Variants in FOXN3 observed in about 807,000 individuals in gnomAD.
FOXN3 encodes forkhead box N3, also known as forkhead box protein N3.
FOXN3 carries 7 observed loss-of-function variants against 38.4 expected under a neutral mutation model. The ratio of observed to expected loss-of-function variants is 0.18; its 90% confidence interval spans 0.10 to 0.34. The LOEUF is 0.34. FOXN3 is among the 10% of genes least tolerant of loss of function. The pLI, the probability that FOXN3 is intolerant of heterozygous loss-of-function variation, is 1.00. For missense variants in FOXN3, 456 were observed against 613.4 expected (o/e 0.74, Z 2.71); for synonymous variants, 230 against 242.2 (o/e 0.95, Z 0.47).
chr14:89,246,562 A>ATTTTTT (rs1885304987), intron 4 of FOXN3, among the ~76,000 whole-genome samples: 1 of 6,792 alleles, frequency 1.5e-4, no homozygotes, highest in African/African-American at 5.2e-4. Context: ...TTTTTTTTTG[A>ATTTTTT]GACAGTCTCA....
chr14:89,543,092 A>G (rs925139705), intron 1 of FOXN3, among the ~76,000 whole-genome samples: 7 of 152,218 alleles, frequency 4.6e-5, no homozygotes, highest in African/African-American at 1.7e-4. Flanking sequence ...GGTGCTTTTC[A>G]ATCAGAGCTG....
chr14:89,358,932 T>C (rs1329029993), intron 2 of FOXN3, among the ~76,000 whole-genome samples: 1 of 152,206 alleles, frequency 6.6e-6, no homozygotes, highest in Non-Finnish European at 1.5e-5. Context: ...AGTGAATTAA[T>C]AATACCTGCT....
chr14:89,594,540 G>A (rs1233553667), intron 1 of FOXN3, among the ~76,000 whole-genome samples: 1 of 152,152 alleles, frequency 6.6e-6, no homozygotes, highest in African/African-American at 2.4e-5. Context: ...TAAGACTCTT[G>A]TCCATTTTTC....
intron 3 of FOXN3, among the ~76,000 whole-genome samples, chr14:89,338,737 TGGA>T (rs1380957966): frequency 1.3e-5 from 2 of 151,882 alleles, no homozygotes; most frequent in African/African-American, 2.4e-5. Flanking sequence ...CAGGGAGGCA[TGGA>T]GGAGGCTGCA....
chr14:89,286,413 A>G (rs1275555626), intron 3 of FOXN3, among the ~76,000 whole-genome samples: 1 of 152,152 alleles, frequency 6.6e-6, no homozygotes, highest in Non-Finnish European at 1.5e-5. Context: ...AAGTGGGTGT[A>G]GCAAGACCAG....
intron 1 of FOXN3, among the ~76,000 whole-genome samples, chr14:89,606,576 G>A (rs1334463391): frequency 8.5e-5 from 13 of 152,316 alleles, no homozygotes; most frequent in African/African-American, 2.4e-4. Flanking sequence ...GTAGCCGGGC[G>A]CAGTGGCTCA....
At chr14:89,558,099 A>G (rs768005678) in intron 1 of FOXN3, among the ~76,000 whole-genome samples, 1 of 152,182 alleles carries the variant, frequency 6.6e-6, no homozygotes, top group African/African-American at 2.4e-5. Flanking sequence ...AAAATTTTAA[A>G]ATTACTTTAA....
chr14:89,352,771 G>A (rs991625490), intron 2 of FOXN3, among the ~76,000 whole-genome samples: 1 of 152,146 alleles, frequency 6.6e-6, no homozygotes, highest in African/African-American at 2.4e-5. Context: ...AGAAATGAAG[G>A]ACAACCGGTT....
At position 89,468,613 on chromosome 14, in the gene FOXN3, G is replaced by C. The variant is rs749330989; in HGVS notation, c.-14-56123C>G. On this transcript the variant is annotated intron_variant, in intron 1 of 6. Coordinates refer to the FOXN3 transcript ENST00000345097. ...GATGGGGATAGATGAGTTAACACAC[G>C]TAAACTTCTTAGAATGCAGACAGCA... Among the ~76,000 whole-genome samples the C allele has an allele frequency of 2.0e-5, 3 of 152,074 alleles. No individual in the cohort carries two copies. The East Asian group carries it at 5.8e-4, about 29-fold the overall frequency.
intron 1 of FOXN3, among the ~76,000 whole-genome samples, chr14:89,486,186 A>C (rs1227978571): frequency 2.0e-5 from 3 of 152,172 alleles, no homozygotes; most frequent in African/African-American, 7.2e-5. Flanking sequence ...ACTCAACTAA[A>C]AGTACAACAT....
chr14:89,390,220 C>T lies in FOXN3; in HGVS notation c.543+21714G>A, dbSNP rs554433917. The stretch of plus-strand genomic sequence containing the variant: ...CAGCTAAAATGACAGAGTGAGACTC[C>T]CTTTAAAAAAAAAAAAAATATGCAC... On this transcript the variant is annotated intron_variant, in intron 2 of 5. Transcript: ENST00000557258. Among the ~76,000 whole-genome samples, 7 of 140,574 alleles carry T rather than the reference C, an allele frequency of 5.0e-5. No homozygotes were observed. In the South Asian group the frequency reaches 1.3e-3, roughly 27 times the overall value. 92.2% of individuals were successfully genotyped at this position (140,574 alleles called of 152,430 possible). A position where few individuals can be genotyped will look rare whatever the true frequency, so the allele number is the denominator to read the frequency against.
chr14:89,615,361 A>G (rs1896476543), intron 1 of FOXN3, among the ~76,000 whole-genome samples: 1 of 152,180 alleles, frequency 6.6e-6, no homozygotes, highest in African/African-American at 2.4e-5. Flanking sequence ...GACAACTGAA[A>G]ATGAATTGGA....
intron 4 of FOXN3, among the ~76,000 whole-genome samples, chr14:89,210,275 A>G (rs1596105225): frequency 1.3e-5 from 2 of 152,112 alleles, no homozygotes; most frequent in East Asian, 1.9e-4. Context: ...GGTTGTTTAA[A>G]TGTGTGTGGC....
At chr14:89,232,035 C>T (rs1223241471) in intron 4 of FOXN3, among the ~76,000 whole-genome samples, 1 of 152,242 alleles carries the variant, frequency 6.6e-6, no homozygotes, top group Non-Finnish European at 1.5e-5. Context: ...AGAATACTAT[C>T]TGCCTTCAGG....
intron 2 of FOXN3, among the ~76,000 whole-genome samples, chr14:89,393,399 T>C (rs746528969): frequency 3.9e-5 from 6 of 152,152 alleles, no homozygotes; most frequent in Non-Finnish European, 7.3e-5. Context: ...GGGATACAAC[T>C]CACCCCTGAA....
At chr14:89,275,486 A>C (rs776514441) in intron 4 of FOXN3, among the ~76,000 whole-genome samples, 1 of 152,188 alleles carries the variant, frequency 6.6e-6, no homozygotes, top group Non-Finnish European at 1.5e-5. Flanking sequence ...CCAAGGTCAC[A>C]AAGTTTACCA....
At chr14:89,359,903 T>C (rs550683480) in intron 2 of FOXN3, among the ~76,000 whole-genome samples, 1 of 152,270 alleles carries the variant, frequency 6.6e-6, no homozygotes, top group East Asian at 1.9e-4. Context: ...CTCTCACGGA[T>C]CCTTGAGCTC....
intron 2 of FOXN3, among the ~76,000 whole-genome samples, chr14:89,384,578 C>A (rs754058027): frequency 6.6e-6 from 1 of 152,170 alleles, no homozygotes; most frequent in African/African-American, 2.4e-5. Context: ...AACTTCCTTT[C>A]TTCAACAAAC....
chr14:89,170,537 A>G (rs1195723060), intron 5 of FOXN3, among the ~76,000 whole-genome samples: 2 of 152,144 alleles, frequency 1.3e-5, no homozygotes, highest in Non-Finnish European at 2.9e-5. Context: ...CAGCCTCCCA[A>G]AGTGCTGGGA....
Sources: gnomAD v4.1 joint callset for allele counts (sites outside exome capture counted in the v4.1 genomes callset) on GRCh38, gnomAD v4.1.1 for gene constraint, MANE v1.5 for transcripts, NCBI Gene and HGNC (gene_info 2026-07-23, HGNC 2026-07-21) for gene names.